The following DDX42 variants were observed in gnomAD, a reference collection of about 807,000 sequenced individuals.
The protein encoded by DDX42 is ATP-dependent RNA helicase DDX42.
DDX42 carries 22 observed loss-of-function variants against 101.5 expected under a neutral mutation model. The ratio of observed to expected loss-of-function variants is 0.22; its 90% CI spans 0.15 to 0.31. The LOEUF (loss-of-function observed/expected upper bound fraction) is 0.31, where lower values mean the gene tolerates loss of function less well. DDX42 is among the 10% of genes least tolerant of loss of function. The probability of loss-of-function intolerance (pLI) is 1.00; values close to 1 mark genes in which losing one functional copy is unlikely to be tolerated. For synonymous variants in DDX42, 402 were observed against 401.2 expected (o/e 1.00, Z -0.02); for missense variants, 849 against 1,199.9 (o/e 0.71, Z 4.32).
At chr17:63,804,825 G>A (rs2039819211) in intron 6 of DDX42, among the ~76,000 whole-genome samples, 1 of 152,110 alleles carries the variant, frequency 6.6e-6, no homozygotes, top group African/African-American at 2.4e-5. Context: ...CTACAGCCTG[G>A]GTGACAGAGC....
chr17:63,789,546 C>CGTGTTTTTTTT, intron 2 of DDX42, among the ~76,000 whole-genome samples: 1 of 121,850 alleles, frequency 8.2e-6, no homozygotes, highest in African/African-American at 3.4e-5. Context: ...TTCTAAAAGA[C>CGTGTTTTTTTT]TTTTTTGTTT....
At position 63,807,535 on chromosome 17, in the gene DDX42, TA is replaced by T. The variant is rs367915242; in HGVS notation, c.847-186del. ...GTAATGAGAATGATGTCATTTCCTATAAATCAAGAAGTTAATGAGAATGTTG... is the reference window on the plus strand; with the variant it reads ...GTAATGAGAATGATGTCATTTCCTATAATCAAGAAGTTAATGAGAATGTTG... On this transcript the variant is annotated intron_variant, in intron 8 of 17. Coordinates refer to ENST00000389924, the MANE Select transcript of DDX42 (RefSeq NM_203499.3). Among the ~76,000 whole-genome samples the T allele has an allele frequency of 5.4e-4, 82 of 152,362 alleles. 1 individual carries two copies. The highest frequency in any genetic ancestry group is 3.4e-3 in the Middle Eastern group (1 of 294).
intron 1 of DDX42, among the ~76,000 whole-genome samples, chr17:63,781,110 T>A (rs1226608261): frequency 6.6e-6 from 1 of 152,260 alleles, no homozygotes; most frequent in Non-Finnish European, 1.5e-5. Context: ...AGTCTTCATC[T>A]TCTACTACTT....
chr17:63,813,389 C>T lies in DDX42; in HGVS notation c.1837C>T (p.Leu613=). The T allele has an allele frequency of 6.2e-7, 1 of 1,614,106 alleles. No individual in the cohort carries two copies. Among genetic ancestry groups the T allele is most frequent in the Non-Finnish European group, 8.5e-7 (1 of 1,180,026 alleles). The change falls in exon 15 of 18, where the codon CTG becomes TTG. Residue 613 remains leucine (L), a synonymous_variant. Transcript: ENST00000389924. ...TPKDSNFAGD[L]VRNLEGANQH... is the part of the protein sequence containing the mutation. Reference sequence around the variant, plus strand: ...CAAGGACAGCAATTTTGCTGGTGACCTGGTCCGGAACTTGGAAGGAGCCAA... The same window carrying T: ...CAAGGACAGCAATTTTGCTGGTGACTTGGTCCGGAACTTGGAAGGAGCCAA...
chr17:63,786,980 G>T, intron 1 of DDX42, 54 bp from the exon 2 acceptor site: 1 of 1,591,974 alleles, frequency 6.3e-7, no homozygotes, highest in Non-Finnish European at 8.6e-7. Context: ...CCGGCCCTTG[G>T]GGCTATACAC....
intron 2 of DDX42, among the ~76,000 whole-genome samples, chr17:63,789,234 A>G (rs2039589184): frequency 6.6e-6 from 1 of 151,844 alleles, no homozygotes; most frequent in South Asian, 2.1e-4. Flanking sequence ...GCCTGCCACC[A>G]CACCCAGCTG....
rs1734153037 is a variant in DDX42 at position 63,808,815 on chromosome 17, T to C, written c.1024-5T>C. 1 of 1,613,816 alleles carries C rather than the reference T, an allele frequency of 6.2e-7. No individual in the cohort carries two copies. Among genetic ancestry groups the C allele is most frequent in the Non-Finnish European group, 8.5e-7 (1 of 1,179,822 alleles). Reference sequence around the variant, plus strand: ...TTTGTTAATATATTATTCACAACTTTGTAGATCCATGCAGAATGTAAGCGG... The same window carrying C: ...TTTGTTAATATATTATTCACAACTTCGTAGATCCATGCAGAATGTAAGCGG... On this transcript the variant is annotated splice_region_variant and splice_polypyrimidine_tract_variant and intron_variant, in intron 9 of 17. Transcript: ENST00000389924.
At chr17:63,781,655 C>T (rs2039489502) in intron 1 of DDX42, among the ~76,000 whole-genome samples, 3 of 152,112 alleles carry the variant, frequency 2.0e-5, no homozygotes, top group Admixed American at 1.3e-4. Flanking sequence ...CCTGTTCCAT[C>T]TGAAGTTTCC....
intron 6 of DDX42, among the ~76,000 whole-genome samples, chr17:63,804,786 C>G (rs904223038): frequency 1.3e-5 from 2 of 152,068 alleles, no homozygotes; most frequent in Admixed American, 1.3e-4. Context: ...GAGGTGGAGG[C>G]TGCAGTGAGC....
At chr17:63,786,349 A>G (rs962386799) in intron 1 of DDX42, among the ~76,000 whole-genome samples, 1 of 152,172 alleles carries the variant, frequency 6.6e-6, no homozygotes, top group Non-Finnish European at 1.5e-5. Flanking sequence ...CCTGGGCTCA[A>G]GCAGTTTACC....
intron 1 of DDX42, among the ~76,000 whole-genome samples, chr17:63,778,105 G>GA (rs2039442511): frequency 6.6e-6 from 1 of 152,172 alleles, no homozygotes; most frequent in Non-Finnish European, 1.5e-5. Context: ...TCTGAATACT[G>GA]ACCTCCCTTC....
rs184931556 is a variant in DDX42, at chr17:63,807,420, C to T, written c.847-304C>T. Among the ~76,000 whole-genome samples the T allele has an allele frequency of 5.9e-3, 902 of 152,292 alleles. 9 individuals carry two copies. Among genetic ancestry groups the T allele is most frequent in the African/African-American group, 0.02 (818 of 41,546 alleles). On this transcript the variant is annotated intron_variant, in intron 8 of 17. Transcript: ENST00000389924. ...CCTCCCAAAGTGCTGGGATTACAGG[C>T]GTGAGCCACTGCCCGGCCTTGATTT...
chr17:63,807,346 G>T (rs2039855200), intron 8 of DDX42, among the ~76,000 whole-genome samples: 1 of 152,162 alleles, frequency 6.6e-6, no homozygotes, highest in Non-Finnish European at 1.5e-5. Flanking sequence ...TCACCGTGTT[G>T]CCCAGGCTGG....
chr17:63,801,066 CTCTCTCTCTCTG>C (rs1225588571), intron 6 of DDX42, among the ~76,000 whole-genome samples: 2 of 139,614 alleles, frequency 1.4e-5, no homozygotes, highest in African/African-American at 5.3e-5. Flanking sequence ...TCTTCTTTTT[CTCTCTCTCTCTG>C]TCTCTCTGTC....
At chr17:63,780,408 C>CA (rs2039474165) in intron 1 of DDX42, among the ~76,000 whole-genome samples, 1 of 151,928 alleles carries the variant, frequency 6.6e-6, no homozygotes, top group Admixed American at 6.6e-5. Context: ...AGCTAGATAA[C>CA]AAGGTTTGTA....
At chr17:63,806,731 C>T in intron 8 of DDX42, 77 bp downstream of exon 8, 4 of 1,455,422 alleles carry the variant, frequency 2.7e-6, no homozygotes, top group Non-Finnish European at 3.7e-6. Flanking sequence ...CAAATCACAG[C>T]AGTAAAACAG....
In DDX42 at chr17:63,818,384, C is replaced by A. The variant is rs2040006630; in HGVS notation, c.2803C>A (p.Arg935=). ...VPEPPKRKKS[R]WDS is the part of the protein sequence containing the mutation. ...AGAGCCGCCTAAACGCAAGAAAAGT[C>A]GATGGGACAGTTAGAGGGGATGTGC... Residue 935 remains arginine, a synonymous_variant, in exon 18 of 18, where the codon CGA becomes AGA. Coordinates refer to ENST00000389924, the MANE Select transcript of DDX42 (RefSeq NM_203499.3). The A allele has an allele frequency of 1.2e-6, 2 of 1,613,098 alleles. No individual in the cohort carries two copies. Among genetic ancestry groups the A allele is most frequent in the African/African-American group, 1.3e-5 (1 of 74,876 alleles).
At chr17:63,803,995 C>A (rs887714759) in intron 6 of DDX42, among the ~76,000 whole-genome samples, 4 of 151,944 alleles carry the variant, frequency 2.6e-5, no homozygotes, top group Admixed American at 2.6e-4. Context: ...CAACCTATTG[C>A]AATAATTTGA....
At chr17:63,785,977 T>C (rs1420491295) in intron 1 of DDX42, among the ~76,000 whole-genome samples, 3 of 152,212 alleles carry the variant, frequency 2.0e-5, no homozygotes, top group African/African-American at 7.2e-5. Flanking sequence ...GATGAAGATA[T>C]TTAGTCTTTT....
Sources: allele counts gnomAD v4.1 joint callset (sites outside exome capture counted in the v4.1 genomes callset), GRCh38; gene constraint gnomAD v4.1.1; transcripts MANE v1.5; gene names NCBI Gene and HGNC (gene_info 2026-07-23, HGNC 2026-07-21).